ADGRF4: variants seen among roughly 807,000 people sequenced by gnomAD.
The protein encoded by ADGRF4 is adhesion G protein-coupled receptor F4, also known as G-protein coupled receptor PGR18.
In ADGRF4, 63 loss-of-function variants were observed where a neutral mutation model predicts 58.5. The observed-to-expected ratio is 1.08, with a 90% CI of 0.88 to 1.33. ADGRF4 has a LOEUF of 1.33. Ranked by LOEUF, ADGRF4 falls within the 40% of genes most tolerant of loss-of-function variation. The probability of loss-of-function intolerance (pLI) is 0.00; values close to 1 mark genes in which losing one functional copy is unlikely to be tolerated. For missense variants in ADGRF4, 931 were observed against 843.9 expected, an observed-to-expected ratio of 1.10 and a Z score of -1.28; for synonymous variants, 313 against 295.4, an observed-to-expected ratio of 1.06 and a Z score of -0.61.
Position 47,700,693 on chromosome 6 carries a change from A to G in ADGRF4, c.-17+1899A>G, listed in dbSNP as rs532447744. Among the ~76,000 whole-genome samples, 4 of 152,340 alleles carry G rather than the reference A, an allele frequency of 2.6e-5. No individual in the cohort carries two copies. The South Asian group carries it at 8.3e-4, about 32-fold the overall frequency. ...GCAGTACAATAAAGAGGAGGTCCAC[A>G]GTAGGACTGGCATCTACTTAAGTCA... is the stretch of plus-strand genomic sequence containing the variant. On this transcript the variant is annotated intron_variant, in intron 1 of 9. Transcript: ENST00000283303.
At chr6:47,716,917 T>G in intron 7 of ADGRF4, 70 bp downstream of exon 7, 1 of 1,073,746 alleles carries the variant, frequency 9.3e-7, no homozygotes, top group South Asian at 1.3e-5. Context: ...GATGAAGCAG[T>G]TTTGATTGGA....
intron 1 of ADGRF4, among the ~76,000 whole-genome samples, chr6:47,704,552 T>C (rs1250620885): frequency 6.6e-6 from 1 of 152,170 alleles, no homozygotes; most frequent in Non-Finnish European, 1.5e-5. Context: ...AGGATTAAAG[T>C]GATCACTTTA....
chr6:47,703,097 A>G (rs1422079519), intron 1 of ADGRF4, among the ~76,000 whole-genome samples: 1 of 152,144 alleles, frequency 6.6e-6, no homozygotes, highest in Non-Finnish European at 1.5e-5. Flanking sequence ...CTCACTACAT[A>G]TAGACATGTG....
intron 4 of ADGRF4, 105 bp downstream of exon 4, chr6:47,710,991 A>G (rs1771850157): frequency 5.6e-6 from 6 of 1,077,696 alleles, no homozygotes; most frequent in Non-Finnish European, 7.8e-6. Flanking sequence ...TCAGATCCGC[A>G]CTTAGAAAAA....
At chr6:47,712,043 A>T (rs1181290006) in intron 4 of ADGRF4, among the ~76,000 whole-genome samples, 1 of 152,150 alleles carries the variant, frequency 6.6e-6, no homozygotes, top group African/African-American at 2.4e-5. Context: ...TCCCCCATGA[A>T]ATTCCATGTG....
At chr6:47,699,977 G>C (rs1284942460) in intron 1 of ADGRF4, among the ~76,000 whole-genome samples, 1 of 149,836 alleles carries the variant, frequency 6.7e-6, no homozygotes, top group Non-Finnish European at 1.5e-5. Flanking sequence ...TAGGTTCCTT[G>C]CCCTCTAGTT....
intron 1 of ADGRF4, among the ~76,000 whole-genome samples, chr6:47,702,118 C>T (rs751058124): frequency 2.8e-4 from 42 of 152,186 alleles, no homozygotes; most frequent in Admixed American, 5.9e-4. Context: ...GGATTATAGG[C>T]GTGAACCACT....
At chr6:47,704,443 G>A (rs928807123) in intron 1 of ADGRF4, among the ~76,000 whole-genome samples, 1 of 152,076 alleles carries the variant, frequency 6.6e-6, no homozygotes, top group Admixed American at 6.5e-5. Flanking sequence ...CTTCAGCATC[G>A]GTCCTATTAT....
At chr6:47,719,559 T>G (rs554677436) in intron 9 of ADGRF4, among the ~76,000 whole-genome samples, 1 of 152,186 alleles carries the variant, frequency 6.6e-6, no homozygotes, top group Non-Finnish European at 1.5e-5. Context: ...TTAATTCAAA[T>G]GACCTATTAA....
At position 47,713,949 on chromosome 6, in the gene ADGRF4, T is replaced by C; in HGVS notation, c.704T>C (p.Val235Ala). The C allele has an allele frequency of 6.2e-7, 1 of 1,608,806 alleles. No individual in the cohort carries two copies. Among genetic ancestry groups the C allele is most frequent in the Non-Finnish European group, 8.5e-7 (1 of 1,177,408 alleles). ...LHIHNNSENI[V>A]NELFIQTKGF... ...ATCCACAATAATTCTGAGAACATTGTGAATGAACTCTTCATTCAGACAAAA... is the reference window on the plus strand; with the variant it reads ...ATCCACAATAATTCTGAGAACATTGCGAATGAACTCTTCATTCAGACAAAA... The change falls in exon 6 of 10, where the codon GTG (valine) becomes GCG (alanine). Residue 235 changes from valine (V) to alanine (A), a missense_variant. Physicochemically the swap from Val to Ala is moderately conservative, Grantham distance 64. Coordinates refer to ENST00000283303, the MANE Select transcript of ADGRF4 (RefSeq NM_153838.5).
At position 47,698,768 on chromosome 6, in the gene ADGRF4, G is replaced by A. The variant is rs965092828; in HGVS notation, c.-43G>A. The A allele has an allele frequency of 6.6e-6, 1 of 152,162 alleles. No homozygotes were observed. Among genetic ancestry groups the A allele is most frequent in the Non-Finnish European group, 1.5e-5 (1 of 68,064 alleles). The allele number at this position is 152,162 out of a possible 1,614,324, so 9.4% of individuals were successfully genotyped here. Reference sequence around the variant, plus strand: ...CCTGCTGGGTGATTCTCCACCTCTGGGCTGCTAGATCTACTTCCTGGATGC... The same window carrying A: ...CCTGCTGGGTGATTCTCCACCTCTGAGCTGCTAGATCTACTTCCTGGATGC... On this transcript the variant is annotated 5_prime_UTR_variant, in exon 1 of 10. Coordinates refer to ENST00000283303, the MANE Select transcript of ADGRF4 (RefSeq NM_153838.5).
chr6:47,714,474 G>A lies in ADGRF4; in HGVS notation c.1229G>A (p.Ser410Asn), dbSNP rs530853378. The A allele has an allele frequency of 8.1e-6, 13 of 1,614,166 alleles. No individual in the cohort carries two copies. Among genetic ancestry groups the A allele is most frequent in the African/African-American group, 8.0e-5 (6 of 75,044 alleles). Reference protein sequence around the residue: ...VLDYITCIGLSVSILSLVLCL... With the variant: ...VLDYITCIGLNVSILSLVLCL... The stretch of plus-strand genomic sequence containing the variant: ...GACTACATCACCTGCATTGGGCTCA[G>A]CGTCTCAATCCTAAGCTTGGTTCTT... The change falls in exon 6 of 10, where the codon AGC becomes AAC. Residue 410 changes from serine to asparagine, a missense_variant. By Grantham distance (46) the Ser-to-Asn change is conservative. Transcript: ENST00000283303.
intron 1 of ADGRF4, among the ~76,000 whole-genome samples, chr6:47,699,014 G>A (rs989297596): frequency 6.6e-6 from 1 of 152,116 alleles, no homozygotes; most frequent in Non-Finnish European, 1.5e-5. Flanking sequence ...TTGTTTGTCA[G>A]GCTTTAATGG....
chr6:47,712,064 C>T (rs1771885181), intron 4 of ADGRF4, among the ~76,000 whole-genome samples: 1 of 152,210 alleles, frequency 6.6e-6, no homozygotes, highest in African/African-American at 2.4e-5. Flanking sequence ...GTTCTTCTTT[C>T]CCTTCTCTGT....
rs767239027 is a variant in ADGRF4, at chr6:47,712,546, G to C, written c.490G>C (p.Val164Leu). 1.9e-6 allele frequency: 3 copies of C among 1,605,098 alleles called. No individual in the cohort carries two copies. Among genetic ancestry groups the C allele is most frequent in the African/African-American group, 1.3e-5 (1 of 74,750 alleles). The change falls in exon 5 of 10, where the codon GTG (valine) becomes CTG (leucine). Residue 164 changes from valine to leucine, a missense_variant. By Grantham distance (32) the Val-to-Leu change is conservative. Transcript: ENST00000283303. ...ETTSGNIAFI[V>L]ELLKNISTDL... is the part of the protein sequence containing the mutation. Reference sequence around the variant, plus strand: ...AACATCTGGAAATATTGCATTTATAGTGGAGTTATTAAAAAATATTTCTAC... The same window carrying C: ...AACATCTGGAAATATTGCATTTATACTGGAGTTATTAAAAAATATTTCTAC...
chr6:47,712,523 C>G lies in ADGRF4; in HGVS notation c.467C>G (p.Thr156Arg). Residue 156 changes from threonine to arginine, a missense_variant, in exon 5 of 10, where the codon ACA becomes AGA. Transcript: ENST00000283303. ...ITDMVKSSETTSGNIAFIVEL... is the reference protein window; with the variant it reads ...ITDMVKSSETRSGNIAFIVEL... ...GACATGGTGAAATCATCAGAAACAA[C>G]ATCTGGAAATATTGCATTTATAGTG... 6.2e-7 allele frequency: 1 copy of G among 1,612,830 alleles called. No individual in the cohort carries two copies. The highest frequency in any genetic ancestry group is 8.5e-7 in the Non-Finnish European group (1 of 1,178,818).
intron 1 of ADGRF4, among the ~76,000 whole-genome samples, chr6:47,704,225 G>A (rs933039577): frequency 5.9e-5 from 9 of 151,998 alleles, no homozygotes; most frequent in African/African-American, 1.9e-4. Flanking sequence ...TGTATTCTTA[G>A]TAGAGATGGG....
At chr6:47,703,509 T>A (rs1561864173) in intron 1 of ADGRF4, among the ~76,000 whole-genome samples, 1 of 152,220 alleles carries the variant, frequency 6.6e-6, no homozygotes, top group African/African-American at 2.4e-5. Context: ...AAAAATGCTA[T>A]GATTCCTCTT....
chr6:47,717,352 G>A lies in ADGRF4; in HGVS notation c.2034+1G>A. 1.2e-6 allele frequency: 2 copies of A among 1,605,236 alleles called. No homozygotes were observed. Among genetic ancestry groups the A allele is most frequent in the Non-Finnish European group, 1.7e-6 (2 of 1,171,898 alleles). On this transcript the variant is annotated splice_donor_variant, in intron 8 of 9. Transcript: ENST00000283303. LOFTEE classifies it high-confidence loss of function. ...GAAGGGGAAATCGAGGGCAGCTGAG[G>A]TAAGCCTTCCCCTTTTAGTCTCAGC...
Sources: allele counts gnomAD v4.1 joint callset (sites outside exome capture counted in the v4.1 genomes callset), GRCh38; gene constraint gnomAD v4.1.1; transcripts MANE v1.5; gene names NCBI Gene and HGNC (gene_info 2026-07-23, HGNC 2026-07-21).